SLC9A9: variants seen among roughly 807,000 people sequenced by gnomAD.
SLC9A9 encodes solute carrier family 9 member A9.
In SLC9A9, 62 loss-of-function variants were observed where a neutral mutation model predicts 77.8. The ratio of observed to expected loss-of-function variants is 0.80; its 90% CI spans 0.65 to 0.98. The LOEUF is 0.98. SLC9A9 is among the 50% of genes least tolerant of loss of function. The probability of loss-of-function intolerance (pLI) is 0.00; values close to 1 mark genes in which losing one functional copy is unlikely to be tolerated. For synonymous variants in SLC9A9, 320 were observed against 283.5 expected (o/e 1.13, Z -1.29); for missense variants, 775 against 774.9 (o/e 1.00, Z 0.00).
chr3:143,578,509 G>T (rs2037400375), intron 7 of SLC9A9, 76 bp downstream of exon 7: 6 of 1,603,900 alleles, frequency 3.7e-6, no homozygotes, highest in Non-Finnish European at 4.3e-6. Flanking sequence ...CCTGGAGGTT[G>T]TCCATCATCA....
intron 11 of SLC9A9, among the ~76,000 whole-genome samples, chr3:143,471,308 T>G (rs1376351186): frequency 6.6e-6 from 1 of 152,212 alleles, no homozygotes; most frequent in Non-Finnish European, 1.5e-5. Flanking sequence ...TTATCATACA[T>G]TTGGAGCCTA....
intron 12 of SLC9A9, among the ~76,000 whole-genome samples, chr3:143,424,422 C>T (rs997210195): frequency 5.3e-5 from 8 of 152,064 alleles, no homozygotes; most frequent in East Asian, 1.9e-4. Flanking sequence ...GGACTACAGG[C>T]GCCCACCACC....
chr3:143,580,270 T>C (rs1246549304), intron 6 of SLC9A9, among the ~76,000 whole-genome samples: 1 of 152,054 alleles, frequency 6.6e-6, no homozygotes, highest in East Asian at 1.9e-4. Flanking sequence ...GAAACAAGAG[T>C]GATGAGAAAG....
At chr3:143,305,028 CATT>C (rs1272167239) in intron 14 of SLC9A9, among the ~76,000 whole-genome samples, 7 of 152,114 alleles carry the variant, frequency 4.6e-5, no homozygotes, top group Admixed American at 3.9e-4. Context: ...CAGATATCAA[CATT>C]ATTATTAATT....
At chr3:143,561,799 G>C (rs1187680149) in intron 8 of SLC9A9, among the ~76,000 whole-genome samples, 1 of 152,158 alleles carries the variant, frequency 6.6e-6, no homozygotes, top group Non-Finnish European at 1.5e-5. Context: ...AAAGGAAGAA[G>C]ACAAGAAGGA....
At chr3:143,438,775 T>A (rs2034671555) in intron 12 of SLC9A9, among the ~76,000 whole-genome samples, 1 of 151,762 alleles carries the variant, frequency 6.6e-6, no homozygotes, top group Non-Finnish European at 1.5e-5. Flanking sequence ...GAGTGGGGAG[T>A]GGACCCGAGT....
At chr3:143,506,203 C>A (rs193045215) in intron 9 of SLC9A9, among the ~76,000 whole-genome samples, 1 of 152,220 alleles carries the variant, frequency 6.6e-6, no homozygotes, top group East Asian at 1.9e-4. Context: ...AGAATTTAAA[C>A]CATAAGACTT....
intron 14 of SLC9A9, among the ~76,000 whole-genome samples, chr3:143,344,094 C>A (rs1214217642): frequency 6.6e-6 from 1 of 152,104 alleles, no homozygotes; most frequent in East Asian, 1.9e-4. Flanking sequence ...ATAATTTATG[C>A]CAGTTTTCTC....
intron 2 of SLC9A9, among the ~76,000 whole-genome samples, chr3:143,804,346 C>T (rs1247267738): frequency 6.6e-6 from 1 of 152,146 alleles, no homozygotes; most frequent in East Asian, 1.9e-4. Context: ...TTTACTTACC[C>T]CTAGCCCCGT....
chr3:143,509,430 A>G (rs1264248026), intron 9 of SLC9A9, among the ~76,000 whole-genome samples: 1 of 152,124 alleles, frequency 6.6e-6, no homozygotes, highest in Non-Finnish European at 1.5e-5. Flanking sequence ...AAGTTTTTTG[A>G]GCTTTCTTTT....
intron 9 of SLC9A9, among the ~76,000 whole-genome samples, chr3:143,532,012 G>A (rs1024902559): frequency 2.6e-5 from 4 of 152,220 alleles, no homozygotes; most frequent in Admixed American, 1.3e-4. Context: ...TGATAATCCA[G>A]CTGCCTTCCA....
At chr3:143,706,359 C>T (rs1933976571) in intron 4 of SLC9A9, among the ~76,000 whole-genome samples, 1 of 152,150 alleles carries the variant, frequency 6.6e-6, no homozygotes, top group African/African-American at 2.4e-5. Context: ...CTATTCTTCC[C>T]TAAGGAATGT....
At chr3:143,299,364 G>T (rs895070845) in intron 14 of SLC9A9, among the ~76,000 whole-genome samples, 7 of 152,146 alleles carry the variant, frequency 4.6e-5, no homozygotes, top group African/African-American at 1.7e-4. Context: ...GGGGCTGCTT[G>T]CTTTAATGGA....
intron 6 of SLC9A9, among the ~76,000 whole-genome samples, chr3:143,602,787 T>C (rs1331751966): frequency 6.6e-6 from 1 of 152,216 alleles, no homozygotes; most frequent in African/African-American, 2.4e-5. Flanking sequence ...GAAACCCCTT[T>C]AACCTTGGAA....
At chr3:143,383,526 T>A (rs1027249562) in intron 12 of SLC9A9, among the ~76,000 whole-genome samples, 39 of 152,202 alleles carry the variant, frequency 2.6e-4, no homozygotes, top group African/African-American at 8.7e-4. Flanking sequence ...GTGTTGAAAC[T>A]ATGTATTTTT....
At chr3:143,551,339 T>C (rs2036879612) in intron 9 of SLC9A9, among the ~76,000 whole-genome samples, 1 of 152,208 alleles carries the variant, frequency 6.6e-6, no homozygotes. Flanking sequence ...ACCTATAGGT[T>C]ATAGTCTAAA....
At chr3:143,681,299 T>G (rs1221042013) in intron 5 of SLC9A9, among the ~76,000 whole-genome samples, 1 of 138,570 alleles carries the variant, frequency 7.2e-6, no homozygotes, top group Non-Finnish European at 1.6e-5. Flanking sequence ...TTTAAACAGT[T>G]TTTTTTTACT....
intron 1 of SLC9A9, among the ~76,000 whole-genome samples, chr3:143,842,138 T>G (rs2009723183): frequency 6.6e-6 from 1 of 152,170 alleles, no homozygotes; most frequent in African/African-American, 2.4e-5. Flanking sequence ...CCCAGCACTT[T>G]GGGAGGCTGA....
chr3:143,591,149 C>T (rs372835165), intron 6 of SLC9A9, among the ~76,000 whole-genome samples: 1 of 152,290 alleles, frequency 6.6e-6, no homozygotes, highest in South Asian at 2.1e-4. Context: ...CACTGATAGA[C>T]TCATTCCCCC....
Sources: allele counts gnomAD v4.1 joint callset (sites outside exome capture counted in the v4.1 genomes callset), GRCh38; gene constraint gnomAD v4.1.1; transcripts MANE v1.5; gene names NCBI Gene and HGNC (gene_info 2026-07-23, HGNC 2026-07-21).